Variants in FOXJ3 observed in about 807,000 individuals in gnomAD.
FOXJ3 encodes forkhead box J3.
FOXJ3 carries 22 observed loss-of-function variants against 76.1 expected under a neutral mutation model. The ratio of observed to expected loss-of-function variants is 0.29; its 90% CI spans 0.21 to 0.41. The LOEUF is 0.41. Ranked by LOEUF, FOXJ3 falls within the 10% of genes least tolerant of loss-of-function variation. The probability of loss-of-function intolerance (pLI) is 1.00; values close to 1 mark genes in which losing one functional copy is unlikely to be tolerated. For missense variants in FOXJ3, 613 were observed against 762.1 expected (o/e 0.80, Z 2.30); for synonymous variants, 269 against 261.2 (o/e 1.03, Z -0.29).
At chr1:42,195,604 A>G (rs568189919) in intron 7 of FOXJ3, among the ~76,000 whole-genome samples, 1 of 152,344 alleles carries the variant, frequency 6.6e-6, no homozygotes, top group East Asian at 1.9e-4. Context: ...AAGCAGGAAA[A>G]CTAGAAATAA....
chr1:42,300,725 T>C (rs1654087050), intron 2 of FOXJ3, among the ~76,000 whole-genome samples: 1 of 152,146 alleles, frequency 6.6e-6, no homozygotes, highest in Admixed American at 6.6e-5. Context: ...TGTGGTGAGC[T>C]GTGATCACGC....
At chr1:42,230,959 G>A (rs1479293009) in intron 4 of FOXJ3, among the ~76,000 whole-genome samples, 3 of 152,092 alleles carry the variant, frequency 2.0e-5, no homozygotes, top group Non-Finnish European at 4.4e-5. Context: ...GTGCATTGAA[G>A]GATAAATGGA....
At chr1:42,185,201 A>G (rs1311416703) in intron 11 of FOXJ3, among the ~76,000 whole-genome samples, 1 of 151,450 alleles carries the variant, frequency 6.6e-6, no homozygotes. Flanking sequence ...CTTTCTCTGA[A>G]TTCTTATTGC....
intron 4 of FOXJ3, among the ~76,000 whole-genome samples, chr1:42,243,307 C>T (rs1374406984): frequency 6.6e-6 from 1 of 152,100 alleles, no homozygotes; most frequent in Non-Finnish European, 1.5e-5. Context: ...GTTACCACTA[C>T]AGAAAACCAC....
At chr1:42,292,976 C>T (rs1385212793) in intron 2 of FOXJ3, among the ~76,000 whole-genome samples, 1 of 151,960 alleles carries the variant, frequency 6.6e-6, no homozygotes, top group Non-Finnish European at 1.5e-5. Context: ...TGGTGGGCAC[C>T]TGTAGTCCCA....
chr1:42,210,823 A>G (rs1242637589), intron 5 of FOXJ3, among the ~76,000 whole-genome samples: 4 of 152,042 alleles, frequency 2.6e-5, no homozygotes, highest in Non-Finnish European at 4.4e-5. Flanking sequence ...CCTTGCATAC[A>G]TTCCCCAGCA....
chr1:42,185,252 ATTT>A (rs36007346), intron 11 of FOXJ3, among the ~76,000 whole-genome samples: 4 of 108,288 alleles, frequency 3.7e-5, no homozygotes, highest in African/African-American at 4.1e-5. Flanking sequence ...AACATACTGA[ATTT>A]TTTTTTTTTT....
chr1:42,329,823 C>T (rs924842326), intron 1 of FOXJ3, among the ~76,000 whole-genome samples: 1 of 152,230 alleles, frequency 6.6e-6, no homozygotes, highest in Non-Finnish European at 1.5e-5. Flanking sequence ...GTTTCCCCAA[C>T]TACATTCAAA....
chr1:42,259,738 T>C (rs1650890247), intron 4 of FOXJ3, among the ~76,000 whole-genome samples: 1 of 152,232 alleles, frequency 6.6e-6, no homozygotes, highest in South Asian at 2.1e-4. Context: ...CACTAATCCA[T>C]TTCTTCACTC....
At chr1:42,184,748 A>G (rs1377700135) in intron 11 of FOXJ3, among the ~76,000 whole-genome samples, 1 of 152,110 alleles carries the variant, frequency 6.6e-6, no homozygotes, top group Non-Finnish European at 1.5e-5. Context: ...TTTAAATAGG[A>G]TGACCAAGGA....
rs559242309 is a variant in FOXJ3, at chr1:42,311,722, G to A, written c.-17-612C>T. ...GAAAGAACTTTGAATTCAAATTCTAGATTTTAGGTTCAAATTCTAACTGTG... is the reference window on the plus strand; with the variant it reads ...GAAAGAACTTTGAATTCAAATTCTAAATTTTAGGTTCAAATTCTAACTGTG... On this transcript the variant is annotated intron_variant, in intron 1 of 12. Coordinates refer to ENST00000361346, the MANE Select transcript of FOXJ3 (RefSeq NM_014947.5). Among the ~76,000 whole-genome samples the A allele has an allele frequency of 1.4e-3, 214 of 148,456 alleles. 1 individual carries two copies. Among genetic ancestry groups the A allele is most frequent in the African/African-American group, 4.5e-3 (182 of 40,770 alleles).
intron 1 of FOXJ3, among the ~76,000 whole-genome samples, chr1:42,328,135 AAAAT>A (rs1224475707): frequency 1.3e-5 from 2 of 152,196 alleles, no homozygotes; most frequent in Non-Finnish European, 2.9e-5. Flanking sequence ...GTCTGAATTA[AAAAT>A]AAATAAATTA....
chr1:42,272,739 G>A (rs555272978), intron 3 of FOXJ3, among the ~76,000 whole-genome samples: 38 of 152,274 alleles, frequency 2.5e-4, no homozygotes, highest in South Asian at 6.2e-4. Context: ...TTAGGTAGAC[G>A]TCATCAAAAA....
Position 42,181,914 on chromosome 1 carries a change from T to C in FOXJ3, c.1753+3A>G, listed in dbSNP as rs113542759. 5.3e-5 allele frequency: 82 copies of C among 1,548,946 alleles called. No homozygotes were observed. The East Asian group carries it at 1.5e-3, about 28-fold the overall frequency. ...ACACACTCACTCTCTCTCTCTCTCT[T>C]ACCTGCCATCGTTGTTCCTGGAGTG... is the stretch of plus-strand genomic sequence containing the variant. On this transcript the variant is annotated splice_donor_region_variant and intron_variant, in intron 12 of 12. Transcript: ENST00000361346.
At chr1:42,212,651 C>T (rs1569884728) in intron 5 of FOXJ3, among the ~76,000 whole-genome samples, 1 of 151,932 alleles carries the variant, frequency 6.6e-6, no homozygotes, top group East Asian at 1.9e-4. Context: ...ATTTGGAAAA[C>T]CTATTTGAGG....
At chr1:42,335,262 T>C (rs1435909662), upstream of FOXJ3, 1 of 150,930 alleles carries the variant, frequency 6.6e-6, no homozygotes, top group African/African-American at 2.4e-5. Context: ...CCGCCCGCCC[T>C]CGCCGCCACC....
chr1:42,323,440 G>A (rs1457248706), intron 1 of FOXJ3, among the ~76,000 whole-genome samples: 2 of 152,120 alleles, frequency 1.3e-5, no homozygotes, highest in Non-Finnish European at 2.9e-5. Flanking sequence ...TATCCTGGAG[G>A]ATAGTGTGGG....
At chr1:42,201,753 C>T (rs1047319431) in intron 6 of FOXJ3, among the ~76,000 whole-genome samples, 1 of 152,046 alleles carries the variant, frequency 6.6e-6, no homozygotes, top group African/African-American at 2.4e-5. Flanking sequence ...GGACATGTTA[C>T]CTCTTTTTTA....
chr1:42,187,641 T>C (rs1291949900), intron 11 of FOXJ3, among the ~76,000 whole-genome samples: 2 of 152,026 alleles, frequency 1.3e-5, no homozygotes, highest in African/African-American at 4.8e-5. Flanking sequence ...AAAATGAATA[T>C]ATATCAGAAA....
Sources: gnomAD v4.1 joint callset for allele counts (sites outside exome capture counted in the v4.1 genomes callset) on GRCh38, gnomAD v4.1.1 for gene constraint, MANE v1.5 for transcripts, NCBI Gene and HGNC (gene_info 2026-07-23, HGNC 2026-07-21) for gene names.